KIF26B: variants seen among roughly 807,000 people sequenced by gnomAD.
The protein encoded by KIF26B is kinesin-like protein KIF26B.
Under a neutral mutation model 151.2 loss-of-function variants are expected in KIF26B, and 63 were observed. The observed-to-expected ratio is 0.42, with a 90% confidence interval of 0.34 to 0.51. The LOEUF (loss-of-function observed/expected upper bound fraction) is 0.51. Among genes scored for constraint, KIF26B ranks in the 20% least tolerant of loss-of-function variants. The pLI is 0.07. For synonymous variants in KIF26B, 1,357 were observed against 1,262.1 expected, an observed-to-expected ratio of 1.08 and a Z score of -1.59; for missense variants, 2,813 against 2,913.6, an observed-to-expected ratio of 0.97 and a Z score of 0.79.
At chr1:245,181,255 A>G (rs747189079) in intron 2 of KIF26B, among the ~76,000 whole-genome samples, 1 of 151,470 alleles carries the variant, frequency 6.6e-6, no homozygotes, top group East Asian at 1.9e-4. Context: ...GATCACCTGG[A>G]TAAGATTGCC....
chr1:245,365,200 C>T (rs1279208596), intron 2 of KIF26B, among the ~76,000 whole-genome samples: 1 of 152,164 alleles, frequency 6.6e-6, no homozygotes, highest in East Asian at 1.9e-4. Flanking sequence ...GCCCTGTCAT[C>T]GAGGAGGACG....
chr1:245,262,852 G>C (rs547102913), intron 2 of KIF26B, among the ~76,000 whole-genome samples: 2 of 152,326 alleles, frequency 1.3e-5, no homozygotes, highest in South Asian at 4.1e-4. Context: ...CACAGAGCAG[G>C]CTGCTCTATT....
chr1:245,550,093 C>T (rs994246973), intron 5 of KIF26B, among the ~76,000 whole-genome samples: 3 of 152,162 alleles, frequency 2.0e-5, no homozygotes, highest in African/African-American at 4.8e-5. Flanking sequence ...ACAGTAGCAC[C>T]GAGTGCTAGA....
chr1:245,451,459 T>A (rs1353862399), intron 4 of KIF26B, among the ~76,000 whole-genome samples: 1 of 151,986 alleles, frequency 6.6e-6, no homozygotes, highest in African/African-American at 2.4e-5. Flanking sequence ...GTTTTTATTT[T>A]TTAATTTATG....
intron 4 of KIF26B, among the ~76,000 whole-genome samples, chr1:245,492,976 T>C (rs1384413699): frequency 6.6e-6 from 1 of 152,114 alleles, no homozygotes; most frequent in Non-Finnish European, 1.5e-5. Context: ...AGACGGGGTT[T>C]CATCATGTTG....
In KIF26B at chr1:245,688,173, C is replaced by G; in HGVS notation, c.5190C>G (p.Ser1730=). 1.3e-6 allele frequency: 2 copies of G among 1,598,090 alleles called. No individual in the cohort carries two copies. The highest frequency in any genetic ancestry group is 1.7e-6 in the Non-Finnish European group (2 of 1,178,686). Residue 1730 remains serine (S), a synonymous_variant, in exon 12 of 15, where the codon TCC becomes TCG. Transcript: ENST00000407071. ...SSGASPKAGQ[S]KISAVSRLLL... ...GGGCCTCGCCCAAGGCCGGCCAGTC[C>G]AAGATCTCCGCCGTGAGCAGACTCC...
intron 4 of KIF26B, among the ~76,000 whole-genome samples, chr1:245,532,078 C>T (rs1229841199): frequency 6.6e-6 from 1 of 152,024 alleles, no homozygotes; most frequent in South Asian, 2.1e-4. Context: ...CAGAGCCAGA[C>T]CCTGTCCTTA....
intron 4 of KIF26B, among the ~76,000 whole-genome samples, chr1:245,514,533 A>T (rs1660907854): frequency 1.3e-5 from 2 of 152,044 alleles, no homozygotes; most frequent in South Asian, 4.1e-4. Context: ...CTCCATCTCA[A>T]AAATAATAAT....
chr1:245,542,947 G>A (rs1305046463), intron 5 of KIF26B, among the ~76,000 whole-genome samples: 1 of 152,192 alleles, frequency 6.6e-6, no homozygotes, highest in Non-Finnish European at 1.5e-5. Context: ...GTGAGCAAAT[G>A]TTTAAGTGGT....
At chr1:245,551,650 C>CA (rs796580658) in intron 5 of KIF26B, among the ~76,000 whole-genome samples, 8 of 152,306 alleles carry the variant, frequency 5.3e-5, no homozygotes, top group African/African-American at 1.9e-4. Context: ...ACCCTGCAGT[C>CA]ACGCTCTGTT....
At chr1:245,179,509 A>G (rs1035150084) in intron 2 of KIF26B, among the ~76,000 whole-genome samples, 4 of 152,158 alleles carry the variant, frequency 2.6e-5, no homozygotes, top group African/African-American at 9.7e-5. Flanking sequence ...CTGTAGTCCC[A>G]GCTACTCGGG....
chr1:245,211,209 C>T (rs528588200), intron 2 of KIF26B, among the ~76,000 whole-genome samples: 8 of 152,206 alleles, frequency 5.3e-5, no homozygotes, highest in African/African-American at 1.4e-4. Context: ...GAGCAGTCAC[C>T]GCAAGATCCC....
intron 9 of KIF26B, among the ~76,000 whole-genome samples, chr1:245,621,113 A>C (rs1230870037): frequency 6.6e-6 from 1 of 152,174 alleles, no homozygotes; most frequent in African/African-American, 2.4e-5. Flanking sequence ...GCCCAATTAA[A>C]TTAGAAAGGC....
chr1:245,300,500 T>A (rs1671411334), intron 2 of KIF26B, among the ~76,000 whole-genome samples: 1 of 152,080 alleles, frequency 6.6e-6, no homozygotes, highest in South Asian at 2.1e-4. Context: ...CCTTCATTGA[T>A]AGAGGCACAA....
At chr1:245,361,400 T>C (rs1193934181) in intron 2 of KIF26B, among the ~76,000 whole-genome samples, 2 of 152,252 alleles carry the variant, frequency 1.3e-5, no homozygotes, top group East Asian at 3.8e-4. Context: ...AGAGTGTTTT[T>C]TTCTTTTTTT....
At chr1:245,396,508 C>T (rs113113005) in intron 3 of KIF26B, among the ~76,000 whole-genome samples, 1,752 of 152,054 alleles carry the variant, frequency 0.012, 38 homozygotes, top group African/African-American at 0.04. Flanking sequence ...TGGTGACAGG[C>T]GCCTGTAATC....
At chr1:245,613,783 C>T (rs113201432) in intron 9 of KIF26B, among the ~76,000 whole-genome samples, 3 of 152,270 alleles carry the variant, frequency 2.0e-5, no homozygotes, top group African/African-American at 7.2e-5. Flanking sequence ...TCTCTTCCTA[C>T]TCTTTAGTTA....
chr1:245,592,681 G>T (rs1413204230), intron 5 of KIF26B, among the ~76,000 whole-genome samples: 1 of 151,940 alleles, frequency 6.6e-6, no homozygotes, highest in South Asian at 2.1e-4. Flanking sequence ...ACTCAGCATG[G>T]AATCATATGG....
chr1:245,313,135 G>A (rs182474388), intron 2 of KIF26B, among the ~76,000 whole-genome samples: 4 of 152,102 alleles, frequency 2.6e-5, no homozygotes, highest in African/African-American at 9.7e-5. Flanking sequence ...CTTCAGCCTC[G>A]GCGACAGAGT....
Sources: allele counts gnomAD v4.1 joint callset (sites outside exome capture counted in the v4.1 genomes callset), GRCh38; gene constraint gnomAD v4.1.1; transcripts MANE v1.5; gene names NCBI Gene and HGNC (gene_info 2026-07-23, HGNC 2026-07-21).